VGLL4: variants seen among roughly 807,000 people sequenced by gnomAD.
VGLL4 encodes vestigial like family member 4, also known as transcription cofactor vestigial-like protein 4.
In VGLL4, 7 loss-of-function variants were observed where a neutral mutation model predicts 21.0. That is an observed-to-expected ratio of 0.33 (90% confidence interval 0.19 to 0.63). The LOEUF is 0.63. Ranked by LOEUF, VGLL4 falls within the 20% of genes least tolerant of loss-of-function variation. The pLI is 0.78. For missense variants in VGLL4, 394 were observed against 425.7 expected (o/e 0.93, Z 0.66); for synonymous variants, 222 against 173.2 (o/e 1.28, Z -2.21).
intron 1 of VGLL4, among the ~76,000 whole-genome samples, chr3:11,615,499 G>A (rs909999424): frequency 4.6e-5 from 7 of 152,154 alleles, no homozygotes; most frequent in African/African-American, 9.7e-5. Context: ...AGGACCTGGC[G>A]CCAGCCCATC....
intron 2 of VGLL4, among the ~76,000 whole-genome samples, chr3:11,594,056 C>G (rs1334851910): frequency 6.6e-6 from 1 of 152,234 alleles, no homozygotes; most frequent in Non-Finnish European, 1.5e-5. Flanking sequence ...TGGGCTCAAA[C>G]AGCACTTCCC....
At chr3:11,697,707 TA>T (rs1408343120) in intron 2 of VGLL4, among the ~76,000 whole-genome samples, 1 of 152,232 alleles carries the variant, frequency 6.6e-6, no homozygotes, top group East Asian at 1.9e-4. Flanking sequence ...GACTACAGCC[TA>T]GAAATATAAA....
chr3:11,618,407 T>C (rs899582967), intron 1 of VGLL4, among the ~76,000 whole-genome samples: 1 of 152,174 alleles, frequency 6.6e-6, no homozygotes, highest in Non-Finnish European at 1.5e-5. Context: ...AAAATATTTA[T>C]TGGAGAGTTA....
intron 1 of VGLL4, chr3:11,610,426 C>G (rs767400547): frequency 2.6e-5 from 4 of 152,236 alleles, no homozygotes; most frequent in African/African-American, 7.2e-5. Context: ...AAAGCCGTGA[C>G]GTGCTGTCTG....
At chr3:11,599,332 G>T (rs2074724725) in intron 2 of VGLL4, among the ~76,000 whole-genome samples, 1 of 151,406 alleles carries the variant, frequency 6.6e-6, no homozygotes, top group African/African-American at 2.4e-5. Flanking sequence ...CACCTGGCTG[G>T]TGTAAGGGAG....
intron 2 of VGLL4, among the ~76,000 whole-genome samples, chr3:11,677,339 A>G (rs192192727): frequency 1.3e-5 from 2 of 151,810 alleles, no homozygotes; most frequent in East Asian, 3.9e-4. Flanking sequence ...TGGTGTGATC[A>G]TGGTTCACCA....
intron 1 of VGLL4, chr3:11,611,782 C>T (rs973719200): frequency 6.6e-6 from 1 of 152,118 alleles, no homozygotes; most frequent in Non-Finnish European, 1.5e-5. Flanking sequence ...CTGCGGCCTG[C>T]CCCTCTGACT....
chr3:11,681,168 G>A (rs190561411), intron 2 of VGLL4, among the ~76,000 whole-genome samples: 2,818 of 152,246 alleles, frequency 0.019, 33 homozygotes, highest in Non-Finnish European at 0.028. Flanking sequence ...CGCGATCTCC[G>A]CTCACTGCAA....
intron 2 of VGLL4, among the ~76,000 whole-genome samples, chr3:11,662,652 C>A (rs1423997185): frequency 6.6e-6 from 1 of 152,222 alleles, no homozygotes; most frequent in Non-Finnish European, 1.5e-5. Context: ...CCATGTAATA[C>A]GGATCTGGCC....
intron 3 of VGLL4, among the ~76,000 whole-genome samples, chr3:11,563,936 C>CAGTG (rs2073274902): frequency 6.6e-6 from 1 of 152,210 alleles, no homozygotes; most frequent in Non-Finnish European, 1.5e-5. Flanking sequence ...GGACACCAGG[C>CAGTG]AGTGCCACTT....
At chr3:11,682,094 A>G (rs1325057297) in intron 2 of VGLL4, among the ~76,000 whole-genome samples, 1 of 152,134 alleles carries the variant, frequency 6.6e-6, no homozygotes, top group Non-Finnish European at 1.5e-5. Context: ...TGCTGTCTCT[A>G]ATAAAATTAC....
In VGLL4 at chr3:11,653,327, T is replaced by G. The variant is rs2075905428; in HGVS notation, c.64+49644A>C. ...ACTACCCCCATAGGGTAACTTACTA[T>G]CCTAACCTTTAAGAACGTAGATCAG... On this transcript the variant is annotated intron_variant, in intron 2 of 5. Transcript: ENST00000273038. This position sits in a 1 kb window ranked among gnomAD's most constrained non-coding sequence, Gnocchi z 4.2. Among the ~76,000 whole-genome samples the G allele has an allele frequency of 2.0e-5, 3 of 152,240 alleles. No homozygotes were observed. Among genetic ancestry groups the G allele is most frequent in the Admixed American group, 1.3e-4 (2 of 15,282 alleles).
At chr3:11,717,657 G>T (rs1413815109) in intron 1 of VGLL4, among the ~76,000 whole-genome samples, 2 of 151,952 alleles carry the variant, frequency 1.3e-5, no homozygotes, top group African/African-American at 2.4e-5. Context: ...ATTTAAAAGT[G>T]AAAGTTTTTA....
chr3:11,559,729 C>A (rs756856185), intron 3 of VGLL4, among the ~76,000 whole-genome samples: 2 of 152,184 alleles, frequency 1.3e-5, no homozygotes, highest in Non-Finnish European at 2.9e-5. Context: ...GGTCTGTCCC[C>A]ATCTCTCAAA....
At chr3:11,652,749 G>T (rs1258891301) in intron 2 of VGLL4, among the ~76,000 whole-genome samples, 1 of 152,102 alleles carries the variant, frequency 6.6e-6, no homozygotes, top group Non-Finnish European at 1.5e-5. Context: ...GCGAGGGAAG[G>T]GAATTTAATT....
At chr3:11,573,320 A>AAGGAAGGAAGG (rs2073912568) in intron 2 of VGLL4, among the ~76,000 whole-genome samples, 1 of 27,386 alleles carries the variant, frequency 3.7e-5, no homozygotes, top group African/African-American at 1.6e-4. Context: ...AGGAAGGAAG[A>AAGGAAGGAAGG]AAGAAAGAAA....
chr3:11,613,665 T>C (rs2075105835), intron 1 of VGLL4, among the ~76,000 whole-genome samples: 1 of 152,210 alleles, frequency 6.6e-6, no homozygotes. Flanking sequence ...TGTATGATCT[T>C]AGCAGTCTCT....
At chr3:11,651,008 CTTAAT>C (rs556588171) in intron 2 of VGLL4, among the ~76,000 whole-genome samples, 6 of 152,120 alleles carry the variant, frequency 3.9e-5, no homozygotes, top group Non-Finnish European at 8.8e-5. Context: ...TCGTAATCTA[CTTAAT>C]TTAATTACTA....
chr3:11,610,488 A>T (rs538228288), intron 1 of VGLL4: 15 of 152,318 alleles, frequency 9.8e-5, no homozygotes, highest in African/African-American at 3.4e-4. Flanking sequence ...GGCAACACAA[A>T]GCACCTCTCA....
Sources: gnomAD v4.1 joint callset for allele counts (sites outside exome capture counted in the v4.1 genomes callset) on GRCh38, gnomAD v4.1.1 for gene constraint, Gnocchi (gnomAD v3.1) non-coding constraint, MANE v1.5 for transcripts, NCBI Gene and HGNC (gene_info 2026-07-23, HGNC 2026-07-21) for gene names.